Variants in SEMA3E observed in about 807,000 individuals in gnomAD.
SEMA3E encodes semaphorin-3E.
Under a neutral mutation model 93.6 loss-of-function variants are expected in SEMA3E, and 49 were observed. That is an observed-to-expected ratio of 0.52 (90% CI 0.42 to 0.66). The LOEUF (loss-of-function observed/expected upper bound fraction) is 0.66, where lower values mean the gene tolerates loss of function less well. Among genes scored for constraint, SEMA3E ranks in the 30% least tolerant of loss-of-function variants. The pLI is 0.00. For missense variants in SEMA3E, 906 were observed against 964.8 expected (o/e 0.94, Z 0.81); for synonymous variants, 363 against 330.7 (o/e 1.10, Z -1.06).
At chr7:83,637,342 G>T (rs909979752) in intron 1 of SEMA3E, among the ~76,000 whole-genome samples, 1 of 152,002 alleles carries the variant, frequency 6.6e-6, no homozygotes, top group Non-Finnish European at 1.5e-5. Flanking sequence ...TAAAATCCTA[G>T]CATGATGCTC....
chr7:83,546,707 T>C (rs1791657992), intron 1 of SEMA3E, among the ~76,000 whole-genome samples: 1 of 152,100 alleles, frequency 6.6e-6, no homozygotes, highest in Non-Finnish European at 1.5e-5. Context: ...ACAAAAGATT[T>C]CATGTTCATT....
chr7:83,406,048 T>A lies in SEMA3E; in HGVS notation c.825A>T (p.Gly275=). Residue 275 remains glycine, a synonymous_variant, in exon 8 of 17, where the codon GGA becomes GGT. Transcript: ENST00000643230. The stretch of plus-strand genomic sequence containing the variant: ...ACTTATTCACCAGTATTCTCTGCCC[T>A]CCTACATCATTCTGTGAAAACCAAA... ...RVGRLCVNDV[G]GQRILVNKWS... The A allele has an allele frequency of 6.2e-7, 1 of 1,611,948 alleles. No homozygotes were observed.
At chr7:83,545,166 C>T (rs1353201744) in intron 1 of SEMA3E, among the ~76,000 whole-genome samples, 2 of 151,920 alleles carry the variant, frequency 1.3e-5, no homozygotes, top group Admixed American at 6.6e-5. Flanking sequence ...GCATTTATAC[C>T]TCATTCAGTG....
chr7:83,548,810 G>C (rs796784283), intron 1 of SEMA3E, among the ~76,000 whole-genome samples: 2 of 152,198 alleles, frequency 1.3e-5, no homozygotes, highest in African/African-American at 4.8e-5. Context: ...AGGAAAATAA[G>C]AGTCCTCACT....
At chr7:83,581,635 C>A (rs1049675748) in intron 1 of SEMA3E, among the ~76,000 whole-genome samples, 3 of 151,880 alleles carry the variant, frequency 2.0e-5, no homozygotes, top group African/African-American at 4.8e-5. Context: ...TAGCTTAAAT[C>A]AAAAATAAAT....
chr7:83,545,819 A>T, intron 1 of SEMA3E, among the ~76,000 whole-genome samples: 1 of 147,090 alleles, frequency 6.8e-6, no homozygotes, highest in Non-Finnish European at 1.5e-5. Context: ...CCAGTATTAT[A>T]TATATATATA....
At chr7:83,580,042 T>C (rs1792487847) in intron 1 of SEMA3E, among the ~76,000 whole-genome samples, 1 of 152,048 alleles carries the variant, frequency 6.6e-6, no homozygotes, top group South Asian at 2.1e-4. Context: ...AATTTAATTT[T>C]ATGTGTCAAT....
chr7:83,488,218 A>G (rs1452527860), intron 2 of SEMA3E, among the ~76,000 whole-genome samples: 1 of 152,122 alleles, frequency 6.6e-6, no homozygotes, highest in Non-Finnish European at 1.5e-5. Flanking sequence ...GAGGAGTCCC[A>G]GGAAGAAAGT....
chr7:83,516,677 C>T (rs903536653), intron 1 of SEMA3E, among the ~76,000 whole-genome samples: 7 of 152,000 alleles, frequency 4.6e-5, no homozygotes, highest in African/African-American at 1.7e-4. Context: ...CCACTGAAGC[C>T]AACGTATTCT....
chr7:83,396,712 T>G lies in SEMA3E; in HGVS notation c.1384A>C (p.Lys462Gln). ...TCTTGGTTGTAAATTGTGATTACTTTCAGCACAATTCCATTATCTGTAAGA... is the reference window on the plus strand; with the variant it reads ...TCTTGGTTGTAAATTGTGATTACTTGCAGCACAATTCCATTATCTGTAAGA... ...FIGTDNGIVLKVITIYNQEME... is the reference protein window; with the variant it reads ...FIGTDNGIVLQVITIYNQEME... The change falls in exon 12 of 17, where the codon AAA becomes CAA. Residue 462 changes from lysine to glutamine, a missense_variant. Coordinates refer to ENST00000643230, the MANE Select transcript of SEMA3E (RefSeq NM_012431.3). 6.3e-7 allele frequency: 1 copy of G among 1,597,510 alleles called. No homozygotes were observed. Among genetic ancestry groups the G allele is most frequent in the Non-Finnish European group, 8.6e-7 (1 of 1,166,780 alleles).
chr7:83,456,859 C>T (rs926481757), intron 4 of SEMA3E, among the ~76,000 whole-genome samples: 1 of 152,032 alleles, frequency 6.6e-6, no homozygotes, highest in Non-Finnish European at 1.5e-5. Context: ...GGTGATCTGT[C>T]AGCCTTGGCC....
At chr7:83,485,818 T>C (rs1562802880) in intron 2 of SEMA3E, among the ~76,000 whole-genome samples, 1 of 152,080 alleles carries the variant, frequency 6.6e-6, no homozygotes, top group Non-Finnish European at 1.5e-5. Flanking sequence ...ATTGGTGATA[T>C]TCAGATGTTG....
chr7:83,626,981 A>G (rs1217736695), intron 1 of SEMA3E, among the ~76,000 whole-genome samples: 7 of 152,188 alleles, frequency 4.6e-5, no homozygotes, highest in African/African-American at 1.7e-4. Flanking sequence ...GTCATTCAGG[A>G]GCAGATTGTT....
chr7:83,630,547 G>C (rs942369795), intron 1 of SEMA3E, among the ~76,000 whole-genome samples: 1 of 152,186 alleles, frequency 6.6e-6, no homozygotes, highest in Non-Finnish European at 1.5e-5. Context: ...TGGTAGAGCA[G>C]TGAGTCTGTC....
intron 5 of SEMA3E, among the ~76,000 whole-genome samples, chr7:83,415,526 T>C (rs1788523144): frequency 6.6e-6 from 1 of 152,170 alleles, no homozygotes; most frequent in African/African-American, 2.4e-5. Context: ...CTATCAAGTT[T>C]TCATTTCTAA....
At chr7:83,434,142 C>T (rs184024377) in intron 4 of SEMA3E, among the ~76,000 whole-genome samples, 3 of 152,012 alleles carry the variant, frequency 2.0e-5, no homozygotes, top group Non-Finnish European at 2.9e-5. Flanking sequence ...ATTTTAAATT[C>T]TAACAACACA....
chr7:83,429,512 G>A (rs902544333), intron 4 of SEMA3E, among the ~76,000 whole-genome samples: 2 of 152,032 alleles, frequency 1.3e-5, no homozygotes, highest in South Asian at 2.1e-4. Context: ...ATGTTTTTCT[G>A]AAGCCTGCTT....
At chr7:83,621,588 T>C (rs1793556528) in intron 1 of SEMA3E, among the ~76,000 whole-genome samples, 2 of 151,614 alleles carry the variant, frequency 1.3e-5, no homozygotes, top group Admixed American at 1.3e-4. Flanking sequence ...ACTACCCGAC[T>C]TCAATGCTAC....
intron 1 of SEMA3E, among the ~76,000 whole-genome samples, chr7:83,607,592 GA>G (rs1562852935): frequency 6.6e-6 from 1 of 152,046 alleles, no homozygotes; most frequent in African/African-American, 2.4e-5. Context: ...TTATTCACTT[GA>G]AAAATGCTAT....
Sources: gnomAD v4.1 joint callset for allele counts (sites outside exome capture counted in the v4.1 genomes callset) on GRCh38, gnomAD v4.1.1 for gene constraint, MANE v1.5 for transcripts, NCBI Gene and HGNC (gene_info 2026-07-23, HGNC 2026-07-21) for gene names.